Variants in SLC22A4 observed in about 807,000 individuals in gnomAD.
SLC22A4 encodes the protein solute carrier family 22 member 4.
Under a neutral mutation model 56.6 loss-of-function variants are expected in SLC22A4, and 39 were observed. The observed-to-expected ratio is 0.69, with a 90% confidence interval of 0.53 to 0.90. The LOEUF (loss-of-function observed/expected upper bound fraction) is 0.90, where lower values mean the gene tolerates loss of function less well. SLC22A4 is among the 40% of genes least tolerant of loss of function. The pLI is 0.00. For missense variants in SLC22A4, 594 were observed against 696.5 expected (o/e 0.85, Z 1.66); for synonymous variants, 241 against 281.4 (o/e 0.86, Z 1.44).
intron 3 of SLC22A4, among the ~76,000 whole-genome samples, chr5:132,315,602 G>A (rs1297114821): frequency 6.6e-6 from 1 of 152,194 alleles, no homozygotes; most frequent in Non-Finnish European, 1.5e-5. Flanking sequence ...CATGCAGCAT[G>A]TGGTCCCACA....
chr5:132,323,658 A>G (rs1750604234), intron 4 of SLC22A4, among the ~76,000 whole-genome samples: 1 of 152,232 alleles, frequency 6.6e-6, no homozygotes, highest in African/African-American at 2.4e-5. Flanking sequence ...AGCATCCCAG[A>G]CTTACAAGAG....
intron 1 of SLC22A4, among the ~76,000 whole-genome samples, chr5:132,307,753 G>A (rs1398279567): frequency 6.6e-6 from 1 of 152,160 alleles, no homozygotes; most frequent in African/African-American, 2.4e-5. Flanking sequence ...GTCCAAAGTT[G>A]CAGACCCCGA....
rs748940410 is a variant in SLC22A4, at chr5:132,312,194, C to T, written c.427C>T (p.Pro143Ser). 4 of 1,612,282 alleles carry T rather than the reference C, an allele frequency of 2.5e-6. No individual in the cohort carries two copies. Among genetic ancestry groups the T allele is most frequent in the Admixed American group, 1.7e-5 (1 of 60,020 alleles). Residue 143 changes from proline to serine, a missense_variant, in exon 2 of 10, where the codon CCC becomes TCC. Physicochemically the swap from Pro to Ser is moderately conservative, Grantham distance 74 (BLOSUM62 -1). Transcript: ENST00000200652. ...NLVCEDNWKVPLTTSLFFVGV... is the reference protein window; with the variant it reads ...NLVCEDNWKVSLTTSLFFVGV... ...GGTGTGTGAGGACAACTGGAAGGTG[C>T]CCCTCACCACCTCCCTGTTCTTCGT...
At chr5:132,325,608 G>T (rs998649691) in intron 4 of SLC22A4, among the ~76,000 whole-genome samples, 4 of 152,142 alleles carry the variant, frequency 2.6e-5, no homozygotes, top group African/African-American at 9.7e-5. Context: ...TGTGGGTTTG[G>T]GGCCAATTAA....
intron 1 of SLC22A4, among the ~76,000 whole-genome samples, chr5:132,308,748 T>C (rs1165696034): frequency 2.6e-5 from 4 of 152,174 alleles, no homozygotes; most frequent in Non-Finnish European, 1.5e-5. Context: ...AGAACCTTGG[T>C]CTGGGACCCT....
intron 6 of SLC22A4, among the ~76,000 whole-genome samples, chr5:132,332,983 A>G (rs1750911843): frequency 6.6e-6 from 1 of 152,214 alleles, no homozygotes; most frequent in Non-Finnish European, 1.5e-5. Flanking sequence ...CTAATAAAAA[A>G]TTAGTCACTA....
Position 132,294,428 on chromosome 5 carries a change from C to T in SLC22A4, c.-189C>T, listed in dbSNP as rs553184821. On this transcript the variant is annotated 5_prime_UTR_variant, in exon 1 of 10. Transcript: ENST00000200652. This position sits in a 1 kb window ranked among gnomAD's most constrained non-coding sequence, Gnocchi z 5.6. Reference sequence around the variant, plus strand: ...GTGGCATCAAGCTCAGCGCGAGCTCCCGGGAACGCTCCAACGCCTTCAGCC... The same window carrying T: ...GTGGCATCAAGCTCAGCGCGAGCTCTCGGGAACGCTCCAACGCCTTCAGCC... 2 of 726,920 alleles carry T rather than the reference C, an allele frequency of 2.8e-6. No homozygotes were observed. The highest frequency in any genetic ancestry group is 1.7e-5 in the South Asian group (1 of 57,286). 45.0% of individuals were successfully genotyped at this position (726,920 alleles called of 1,614,324 possible).
At chr5:132,325,464 G>C (rs1247685998) in intron 4 of SLC22A4, among the ~76,000 whole-genome samples, 1 of 152,092 alleles carries the variant, frequency 6.6e-6, no homozygotes, top group African/African-American at 2.4e-5. Flanking sequence ...TAACATTATT[G>C]TAGTTCCTAT....
At chr5:132,331,347 A>T (rs962646756) in intron 5 of SLC22A4, among the ~76,000 whole-genome samples, 3 of 152,042 alleles carry the variant, frequency 2.0e-5, no homozygotes, top group Non-Finnish European at 4.4e-5. Context: ...AAAAACAAAC[A>T]AATAAACAGA....
chr5:132,340,063 GTTT>G lies in SLC22A4; in HGVS notation c.1445-478_1445-476del, dbSNP rs4646203. On this transcript the variant is annotated intron_variant, in intron 8 of 9. Transcript: ENST00000200652. ...TCTGAAGTGAACATAATACTTAGTT[GTTT>G]TTTTTTTTTTTTTTTTTTTTTTTGA... Among the ~76,000 whole-genome samples the G allele has an allele frequency of 5.6e-3, 531 of 94,870 alleles. 4 individuals are homozygous for G. The highest frequency in any genetic ancestry group is 0.016 in the African/African-American group (412 of 24,976). The allele number at this position is 94,870 out of a possible 152,430, so 62.2% of individuals were successfully genotyped here.
chr5:132,304,922 C>A (rs1211501946), intron 1 of SLC22A4, among the ~76,000 whole-genome samples: 1 of 152,050 alleles, frequency 6.6e-6, no homozygotes, highest in African/African-American at 2.4e-5. Context: ...TAGAGAATAG[C>A]AATAAAGAGA....
At chr5:132,315,621 G>A (rs1173996424) in intron 3 of SLC22A4, among the ~76,000 whole-genome samples, 1 of 152,190 alleles carries the variant, frequency 6.6e-6, no homozygotes, top group Admixed American at 6.5e-5. Context: ...CATGCAGGGT[G>A]AAGAAGGGTA....
Position 132,313,651 on chromosome 5 carries a change from G to T in SLC22A4, c.535G>T (p.Val179Leu). The stretch of plus-strand genomic sequence containing the variant: ...GAACGTTCTCTTCGCAACCATGGCT[G>T]TACAGACTGGCTTCAGCTTCCTGCA... Reference protein sequence around the residue: ...RKNVLFATMAVQTGFSFLQIF... With the variant: ...RKNVLFATMALQTGFSFLQIF... The change falls in exon 3 of 10, where the codon GTA (valine) becomes TTA (leucine). Residue 179 changes from valine to leucine, a missense_variant. Physicochemically the swap from Val to Leu is conservative, Grantham distance 32. Coordinates refer to ENST00000200652, the MANE Select transcript of SLC22A4 (RefSeq NM_003059.3). 2 of 1,614,194 alleles carry T rather than the reference G, an allele frequency of 1.2e-6. No homozygotes were observed. Among genetic ancestry groups the T allele is most frequent in the Non-Finnish European group, 1.7e-6 (2 of 1,179,990 alleles).
At chr5:132,295,172 A>C in intron 1 of SLC22A4, 163 bp downstream of exon 1, 1 of 846,330 alleles carries the variant, frequency 1.2e-6, no homozygotes, top group East Asian at 2.6e-5. Flanking sequence ...AAAGAATAGG[A>C]CTCACGCGAG....
rs1045334910 is a variant in SLC22A4 at position 132,298,020 on chromosome 5, C to T, written c.393+3011C>T. On this transcript the variant is annotated intron_variant, in intron 1 of 9. Coordinates refer to ENST00000200652, the MANE Select transcript of SLC22A4 (RefSeq NM_003059.3). ...AGTGAGGATGTAGAGAAATTGAAAC[C>T]CTTGTTCATTCCTAGTGGGAGTGTA... Among the ~76,000 whole-genome samples, 3 of 150,872 alleles carry T rather than the reference C, an allele frequency of 2.0e-5. No homozygotes were observed. The South Asian group carries it at 6.3e-4, about 32-fold the overall frequency.
At position 132,294,681 on chromosome 5, in the gene SLC22A4, T is replaced by G. The variant is rs1300167148; in HGVS notation, c.65T>G (p.Phe22Cys). ...GEWGPFQRLI[F>C]FLLSASIIPN... Reference sequence around the variant, plus strand: ...TGGGGGCCCTTCCAGCGCCTCATCTTCTTCCTGCTCAGCGCCAGCATCATC... The same window carrying G: ...TGGGGGCCCTTCCAGCGCCTCATCTGCTTCCTGCTCAGCGCCAGCATCATC... The change falls in exon 1 of 10, where the codon TTC (phenylalanine) becomes TGC (cysteine). Residue 22 changes from phenylalanine (F) to cysteine (C), a missense_variant. By Grantham distance (205) the Phe-to-Cys change is radical (BLOSUM62 -2). Transcript: ENST00000200652. The surrounding 1 kb of genome is among the most constrained non-coding windows in gnomAD (Gnocchi z 5.6). The G allele has an allele frequency of 1.2e-6, 2 of 1,614,066 alleles. No individual in the cohort carries two copies. Among genetic ancestry groups the G allele is most frequent in the East Asian group, 4.5e-5 (2 of 44,884 alleles).
chr5:132,315,411 G>T (rs1168038141), intron 3 of SLC22A4, among the ~76,000 whole-genome samples: 1 of 152,154 alleles, frequency 6.6e-6, no homozygotes, highest in Non-Finnish European at 1.5e-5. Context: ...TGGCATCCCC[G>T]GTTCTATAGA....
At chr5:132,321,459 C>G (rs1750536303) in intron 3 of SLC22A4, among the ~76,000 whole-genome samples, 1 of 152,168 alleles carries the variant, frequency 6.6e-6, no homozygotes, top group Admixed American at 6.5e-5. Flanking sequence ...CTACACACAC[C>G]TTGACCCCAC....
intron 2 of SLC22A4, 142 bp downstream of exon 2, chr5:132,312,406 C>T (rs930307169): frequency 7.2e-6 from 5 of 689,822 alleles, no homozygotes; most frequent in East Asian, 5.3e-5. Context: ...GGAGGAGCCC[C>T]GATGTCTCCT....
Sources: gnomAD v4.1 joint callset for allele counts (sites outside exome capture counted in the v4.1 genomes callset) on GRCh38, gnomAD v4.1.1 for gene constraint, Gnocchi (gnomAD v3.1) non-coding constraint, MANE v1.5 for transcripts, NCBI Gene and HGNC (gene_info 2026-07-23, HGNC 2026-07-21) for gene names.